SLC39A11: variants seen among roughly 807,000 people sequenced by gnomAD.
SLC39A11 encodes the protein zinc transporter ZIP11.
A neutral mutation model predicts 36.1 loss-of-function variants in SLC39A11; 33 were observed. The observed-to-expected ratio is 0.91, with a 90% CI of 0.69 to 1.22. The LOEUF is 1.22. SLC39A11 is among the 50% of genes most tolerant of loss of function. The pLI, the probability that SLC39A11 is intolerant of heterozygous loss-of-function variation, is 0.00. For missense variants in SLC39A11, 432 were observed against 430.3 expected, an observed-to-expected ratio of 1.00 and a Z score of -0.03; for synonymous variants, 166 against 170.3, an observed-to-expected ratio of 0.97 and a Z score of 0.20.
intron 6 of SLC39A11, among the ~76,000 whole-genome samples, chr17:72,840,154 C>T (rs546426499): frequency 6.4e-4 from 98 of 152,244 alleles, no homozygotes; most frequent in Middle Eastern, 3.4e-3. Flanking sequence ...GGATTAAAAT[C>T]CCAAGCATTT....
At chr17:72,815,320 C>T (rs1368498819) in intron 6 of SLC39A11, among the ~76,000 whole-genome samples, 1 of 152,176 alleles carries the variant, frequency 6.6e-6, no homozygotes, top group African/African-American at 2.4e-5. Flanking sequence ...CGGAAAGCTC[C>T]AGAAAGAATG....
intron 4 of SLC39A11, among the ~76,000 whole-genome samples, chr17:73,000,385 T>C (rs2089754302): frequency 6.6e-6 from 1 of 151,878 alleles, no homozygotes; most frequent in Admixed American, 6.6e-5. Context: ...CCTCTCTCTC[T>C]CTCTGATGCT....
chr17:72,793,457 G>T (rs571699816), intron 6 of SLC39A11, among the ~76,000 whole-genome samples: 2 of 152,136 alleles, frequency 1.3e-5, no homozygotes, highest in African/African-American at 2.4e-5. Context: ...GTTTGAAAGG[G>T]AGAGATTTTC....
intron 4 of SLC39A11, among the ~76,000 whole-genome samples, chr17:72,965,438 C>T (rs922486955): frequency 6.6e-6 from 1 of 152,086 alleles, no homozygotes; most frequent in Admixed American, 6.5e-5. Flanking sequence ...ACTTTGAATA[C>T]CTATACAACC....
chr17:72,799,049 A>T (rs2076994986), intron 6 of SLC39A11, among the ~76,000 whole-genome samples: 1 of 151,184 alleles, frequency 6.6e-6, no homozygotes, highest in African/African-American at 2.5e-5. Flanking sequence ...GTGCACTTGG[A>T]CGTGAGTGTG....
intron 3 of SLC39A11, among the ~76,000 whole-genome samples, chr17:73,037,420 A>G (rs2058957571): frequency 6.6e-6 from 1 of 152,248 alleles, no homozygotes; most frequent in Non-Finnish European, 1.5e-5. Context: ...AAAGCAGGGT[A>G]TCTGATTACC....
intron 6 of SLC39A11, among the ~76,000 whole-genome samples, chr17:72,789,227 GTT>G (rs2076618736): frequency 6.6e-6 from 1 of 152,148 alleles, no homozygotes; most frequent in East Asian, 1.9e-4. Context: ...CAGAGGCGGG[GTT>G]TCAACACGTT....
chr17:73,054,019 G>T (rs1385569364), intron 3 of SLC39A11, among the ~76,000 whole-genome samples: 6 of 152,096 alleles, frequency 3.9e-5, no homozygotes, highest in Non-Finnish European at 8.8e-5. Flanking sequence ...CAGCACACAT[G>T]GGGGGTCTGG....
intron 3 of SLC39A11, among the ~76,000 whole-genome samples, chr17:73,056,399 C>A (rs2059672124): frequency 6.6e-6 from 1 of 152,146 alleles, no homozygotes; most frequent in African/African-American, 2.4e-5. Context: ...GAACTCCTGA[C>A]CTCAAGTGAT....
At chr17:73,047,986 AAAAAATATATATATATAT>A (rs2059362556) in intron 3 of SLC39A11, among the ~76,000 whole-genome samples, 1 of 42,222 alleles carries the variant, frequency 2.4e-5, no homozygotes, top group Admixed American at 3.4e-4. Flanking sequence ...AAAAAAAAAA[AAAAAATATATATATATAT>A]ATATATATAT....
chr17:73,019,518 T>C (rs1324817718), intron 4 of SLC39A11, among the ~76,000 whole-genome samples: 1 of 152,074 alleles, frequency 6.6e-6, no homozygotes, highest in Admixed American at 6.6e-5. Flanking sequence ...AATTACAAGG[T>C]AGACTATGAT....
At chr17:72,855,135 C>T (rs972263523) in intron 5 of SLC39A11, among the ~76,000 whole-genome samples, 11 of 152,204 alleles carry the variant, frequency 7.2e-5, no homozygotes, top group African/African-American at 2.7e-4. Flanking sequence ...GCGAAAGTTA[C>T]AATCCAGCAA....
At chr17:72,909,877 C>T (rs1054467960) in intron 5 of SLC39A11, among the ~76,000 whole-genome samples, 2 of 151,542 alleles carry the variant, frequency 1.3e-5, no homozygotes, top group African/African-American at 2.4e-5. Flanking sequence ...TCCCGAGTAG[C>T]TGGGACTCCA....
chr17:73,029,256 T>C (rs1033413881), intron 4 of SLC39A11, among the ~76,000 whole-genome samples: 5 of 151,606 alleles, frequency 3.3e-5, no homozygotes, highest in African/African-American at 1.2e-4. Flanking sequence ...CCCAGTAACA[T>C]AGTAAGACCC....
At chr17:72,966,989 A>G (rs117415470) in intron 4 of SLC39A11, among the ~76,000 whole-genome samples, 4 of 152,160 alleles carry the variant, frequency 2.6e-5, no homozygotes, top group African/African-American at 9.7e-5. Flanking sequence ...TGAACTGTGC[A>G]TGCAAAGGAT....
chr17:72,984,322 C>G (rs894075396), intron 4 of SLC39A11, among the ~76,000 whole-genome samples: 7 of 150,828 alleles, frequency 4.6e-5, no homozygotes, highest in Non-Finnish European at 1.0e-4. Flanking sequence ...GGGGCTTGGT[C>G]AAACCCGGCC....
At chr17:73,058,097 A>G (rs1163779441) in intron 3 of SLC39A11, among the ~76,000 whole-genome samples, 2 of 149,090 alleles carry the variant, frequency 1.3e-5, no homozygotes, top group Non-Finnish European at 3.0e-5. Context: ...ACCCTAAATC[A>G]CTAGAAACTT....
intron 5 of SLC39A11, among the ~76,000 whole-genome samples, chr17:72,855,218 G>A (rs2079575081): frequency 6.6e-6 from 1 of 152,192 alleles, no homozygotes; most frequent in South Asian, 2.1e-4. Flanking sequence ...AGAACATCTT[G>A]CTAGATAAAT....
chr17:72,802,490 T>C lies in SLC39A11; in HGVS notation c.601+47144A>G, dbSNP rs535779148. Among the ~76,000 whole-genome samples the C allele has an allele frequency of 2.0e-3, 301 of 150,108 alleles. 1 individual carries two copies. The highest frequency in any genetic ancestry group is 3.4e-3 in the Non-Finnish European group (230 of 67,854). On this transcript the variant is annotated intron_variant, in intron 6 of 9. Coordinates refer to ENST00000255559, the MANE Select transcript of SLC39A11 (RefSeq NM_139177.4). ...CTGTAATCCCAGCTACTTGGGAGGCTGAGGCAGGAGAATTCCTTGAATCTA... is the reference window on the plus strand; with the variant it reads ...CTGTAATCCCAGCTACTTGGGAGGCCGAGGCAGGAGAATTCCTTGAATCTA...
Sources: allele counts gnomAD v4.1 joint callset (sites outside exome capture counted in the v4.1 genomes callset), GRCh38; gene constraint gnomAD v4.1.1; transcripts MANE v1.5; gene names NCBI Gene and HGNC (gene_info 2026-07-23, HGNC 2026-07-21).